Variants in MEAK7 observed in about 807,000 individuals in gnomAD.
The protein encoded by MEAK7 is MTOR-associated protein MEAK7.
MEAK7 carries 68 observed loss-of-function variants against 40.5 expected under a neutral mutation model. The ratio of observed to expected loss-of-function variants is 1.68; its 90% CI spans 1.38 to 2.06. The LOEUF is 2.06. Among genes scored for constraint, MEAK7 ranks in the 30% most tolerant of loss-of-function variants. MEAK7 has a pLI of 0.00. For synonymous variants in MEAK7, 338 were observed against 231.9 expected (o/e 1.46, Z -4.16); for missense variants, 918 against 580.5 (o/e 1.58, Z -5.98).
At chr16:84,496,621 A>G (rs969822896) in intron 2 of MEAK7, among the ~76,000 whole-genome samples, 5 of 152,188 alleles carry the variant, frequency 3.3e-5, no homozygotes, top group African/African-American at 9.7e-5. Flanking sequence ...TAGGGGGCCC[A>G]GACCAACCTC....
chr16:84,479,670 A>G lies in MEAK7; in HGVS notation c.*243T>C, dbSNP rs890113091. On this transcript the variant is annotated 3_prime_UTR_variant, in exon 8 of 8. Transcript: ENST00000343629. ...ATTTGACACAAGATTTCTTGGAGAG[A>G]TCCTGAGGGTGACCCTGTAGGGAAA... The G allele has an allele frequency of 4.0e-5, 15 of 373,462 alleles. No homozygotes were observed. The East Asian group carries it at 5.8e-4, about 15-fold the overall frequency. The allele number at this position is 373,462 out of a possible 1,614,324, so 23.1% of individuals were successfully genotyped here.
chr16:84,497,695 C>A (rs759323912), intron 2 of MEAK7: 2 of 1,449,304 alleles, frequency 1.4e-6, no homozygotes, highest in Non-Finnish European at 1.9e-6. Context: ...GGGAGGGATG[C>A]GTTTAGACAC....
At chr16:84,501,573 C>T (rs989741370) in intron 1 of MEAK7, among the ~76,000 whole-genome samples, 2 of 152,112 alleles carry the variant, frequency 1.3e-5, no homozygotes, top group Non-Finnish European at 2.9e-5. Flanking sequence ...ACAGAAGCGG[C>T]GCAGACCAGG....
Position 84,497,442 on chromosome 16 carries a change from C to A in MEAK7, c.153+492G>T, listed in dbSNP as rs754873752. 35 of 1,289,220 alleles carry A rather than the reference C, an allele frequency of 2.7e-5. No individual in the cohort carries two copies. The African/African-American group carries it at 5.0e-4, about 18-fold the overall frequency. The allele number at this position is 1,289,220 out of a possible 1,614,324, so 79.9% of individuals were successfully genotyped here. On this transcript the variant is annotated intron_variant, in intron 2 of 7. Coordinates refer to ENST00000343629, the MANE Select transcript of MEAK7 (RefSeq NM_020947.4). ...ACACATTCTAGAGGCAACGGTGCAC[C>A]TGACACGTCATGGTTCCTGGACCGA... is the stretch of plus-strand genomic sequence containing the variant.
chr16:84,495,450 G>A, intron 3 of MEAK7: 1 of 552,146 alleles, frequency 1.8e-6, no homozygotes, highest in Non-Finnish European at 3.2e-6. Context: ...TTCCCCTGCA[G>A]TCTGCTTTTC....
intron 6 of MEAK7, 99 bp from the exon 7 acceptor site, chr16:84,480,807 G>C: frequency 7.4e-7 from 1 of 1,349,566 alleles, no homozygotes; most frequent in Non-Finnish European, 1.0e-6. Context: ...GTACCAGCCT[G>C]AGACAGGGGC....
At chr16:84,490,719 T>A (rs1425771107) in intron 3 of MEAK7, among the ~76,000 whole-genome samples, 1 of 145,544 alleles carries the variant, frequency 6.9e-6, no homozygotes, top group Non-Finnish European at 1.5e-5. Context: ...TAATGCCTTT[T>A]TGTCTCTCCT....
In MEAK7 at chr16:84,478,445, C is replaced by G. The variant is rs1334308976; in HGVS notation, c.*1468G>C. The G allele has an allele frequency of 2.6e-5, 4 of 152,334 alleles. No individual in the cohort carries two copies. In the East Asian group the frequency reaches 5.8e-4, roughly 22 times the overall value. The allele number at this position is 152,334 out of a possible 1,614,324, so 9.4% of individuals were successfully genotyped here. A position where few individuals can be genotyped will look rare whatever the true frequency, so the allele number is the denominator to read the frequency against. ...GCAAGGCCTGCAAAAATGCGAACAG[C>G]TCGATTTACTATGGCTTATAATCAA... On this transcript the variant is annotated 3_prime_UTR_variant, in exon 8 of 8. Transcript: ENST00000343629.
chr16:84,499,757 C>T (rs1403122403), intron 1 of MEAK7, among the ~76,000 whole-genome samples: 1 of 152,170 alleles, frequency 6.6e-6, no homozygotes, highest in Non-Finnish European at 1.5e-5. Context: ...AATTATATGG[C>T]CAGGCGTGGT....
intron 3 of MEAK7, chr16:84,494,627 G>A (rs1176220698): frequency 1.1e-4 from 37 of 342,808 alleles, no homozygotes; most frequent in Non-Finnish European, 6.2e-5. Flanking sequence ...GTTTTCCAGT[G>A]TTGTCTTCCC....
Position 84,479,760 on chromosome 16 carries a change from AG to A in MEAK7, c.*152del. ...CCCATGAGTCAGGACATGGCTTCAG[AG>A]GGCGTCTTCTTGGCACATGTGGGAC... On this transcript the variant is annotated 3_prime_UTR_variant, in exon 8 of 8. Transcript: ENST00000343629. 3 of 459,046 alleles carry A rather than the reference AG, an allele frequency of 6.5e-6. No homozygotes were observed. The highest frequency in any genetic ancestry group is 1.2e-5 in the Non-Finnish European group (3 of 258,062). The allele number at this position is 459,046 out of a possible 1,614,324, so 28.4% of individuals were successfully genotyped here.
At chr16:84,490,460 T>TACC in intron 3 of MEAK7, among the ~76,000 whole-genome samples, 1 of 55,522 alleles carries the variant, frequency 1.8e-5, no homozygotes, top group Non-Finnish European at 6.8e-5. Context: ...TTTTTTTTTT[T>TACC]TTTTTTTTTT....
At chr16:84,481,899 A>T (rs1380337657) in intron 6 of MEAK7, among the ~76,000 whole-genome samples, 2 of 152,216 alleles carry the variant, frequency 1.3e-5, no homozygotes, top group Admixed American at 1.3e-4. Flanking sequence ...GCGCCACTGC[A>T]CTCCAGCCTG....
At chr16:84,502,018 C>T (rs149751039) in intron 1 of MEAK7, among the ~76,000 whole-genome samples, 3,211 of 152,252 alleles carry the variant, frequency 0.021, 124 homozygotes, top group African/African-American at 0.074. Flanking sequence ...GTGGTGCATG[C>T]CTGTAATCCC....
Position 84,486,625 on chromosome 16 carries a change from T to C in MEAK7, c.958+6A>G, listed in dbSNP as rs375140165. 2 of 1,596,660 alleles carry C rather than the reference T, an allele frequency of 1.3e-6. No individual in the cohort carries two copies. The highest frequency in any genetic ancestry group is 1.7e-5 in the Admixed American group (1 of 57,766). The stretch of plus-strand genomic sequence containing the variant: ...ACTCGTCAAGGTTCAGGACACCAAG[T>C]CTTACCTTGAAACTGAGGCTTCACC... On this transcript the variant is annotated splice_donor_region_variant and intron_variant, in intron 5 of 7. Coordinates refer to ENST00000343629, the MANE Select transcript of MEAK7 (RefSeq NM_020947.4).
At chr16:84,489,485 C>T (rs778523566) in intron 3 of MEAK7, 63 bp from the exon 4 acceptor site, 58 of 1,509,012 alleles carry the variant, frequency 3.8e-5, no homozygotes, top group Non-Finnish European at 5.1e-5. Context: ...TATGTCATGC[C>T]CACATGGAGA....
At chr16:84,491,541 A>T (rs796740198) in intron 3 of MEAK7, among the ~76,000 whole-genome samples, 7,124 of 50,478 alleles carry the variant, frequency 0.14, 514 homozygotes, top group East Asian at 0.37. Flanking sequence ...CCTGTCTTAA[A>T]AAAAAAAAAA....
chr16:84,481,522 G>A (rs757005354), intron 6 of MEAK7, among the ~76,000 whole-genome samples: 11 of 152,160 alleles, frequency 7.2e-5, no homozygotes, highest in Admixed American at 3.9e-4. Flanking sequence ...GCCTGGCCAC[G>A]CCCCTCCCTC....
intron 3 of MEAK7, among the ~76,000 whole-genome samples, chr16:84,490,722 T>A (rs440952): frequency 6.9e-6 from 1 of 145,200 alleles, no homozygotes. Flanking sequence ...TGCCTTTTTG[T>A]CTCTCCTAGG....
Sources: gnomAD v4.1 joint callset for allele counts (sites outside exome capture counted in the v4.1 genomes callset) on GRCh38, gnomAD v4.1.1 for gene constraint, MANE v1.5 for transcripts, NCBI Gene and HGNC (gene_info 2026-07-23, HGNC 2026-07-21) for gene names.